COL27A1: variants seen among roughly 807,000 people sequenced by gnomAD.
COL27A1 encodes the protein collagen type XXVII alpha 1 chain.
A neutral mutation model predicts 251.3 loss-of-function variants in COL27A1; 106 were observed. The observed-to-expected ratio is 0.42, with a 90% CI of 0.36 to 0.50. The LOEUF (loss-of-function observed/expected upper bound fraction) is 0.50. COL27A1 is among the 20% of genes least tolerant of loss of function. COL27A1 has a pLI of 0.00. For missense variants in COL27A1, 2,325 were observed against 2,522.8 expected, an observed-to-expected ratio of 0.92 and a Z score of 1.68; for synonymous variants, 1,000 against 986.3, an observed-to-expected ratio of 1.01 and a Z score of -0.26.
chr9:114,227,284 A>G (rs1407348143), intron 14 of COL27A1, among the ~76,000 whole-genome samples: 1 of 150,400 alleles, frequency 6.6e-6, no homozygotes, highest in Non-Finnish European at 1.5e-5. Flanking sequence ...CATGTGAGAC[A>G]TAGCAATAGG....
chr9:114,257,811 G>A (rs983937564), intron 27 of COL27A1, among the ~76,000 whole-genome samples: 1 of 152,212 alleles, frequency 6.6e-6, no homozygotes, highest in Non-Finnish European at 1.5e-5. Flanking sequence ...GGGTGTCAGG[G>A]TGGAGGTGAG....
At position 114,269,695 on chromosome 9, in the gene COL27A1, G is replaced by T. The variant is rs375774130; in HGVS notation, c.3555+401G>T. 1.6e-4 allele frequency among the ~76,000 whole-genome samples: 24 copies of T among 150,700 alleles called. No homozygotes were observed. In the South Asian group the frequency reaches 3.2e-3, roughly 20 times the overall value. ...CGGCAGTAAAGAGAATGATGAGCAC[G>T]CATCCTATGCCCACTGTGTGTCGAG... On this transcript the variant is annotated intron_variant, in intron 35 of 60. Transcript: ENST00000356083.
chr9:114,263,590 T>C (rs1250041885), intron 28 of COL27A1, among the ~76,000 whole-genome samples: 1 of 152,130 alleles, frequency 6.6e-6, no homozygotes. Context: ...GAGCGGCTAA[T>C]GTGTTAGGGA....
intron 13 of COL27A1, among the ~76,000 whole-genome samples, chr9:114,221,208 G>A (rs1831086947): frequency 6.6e-6 from 1 of 152,084 alleles, no homozygotes; most frequent in Non-Finnish European, 1.5e-5. Context: ...GTGCCTCTTT[G>A]GAGAAGGGAA....
At chr9:114,287,239 G>T (rs1827558906) in intron 41 of COL27A1, among the ~76,000 whole-genome samples, 1 of 152,120 alleles carries the variant, frequency 6.6e-6, no homozygotes, top group South Asian at 2.1e-4. Context: ...CAGCCCCAGG[G>T]ACGCTTTGCC....
At chr9:114,171,982 C>T (rs1279218630) in intron 3 of COL27A1, among the ~76,000 whole-genome samples, 2 of 152,116 alleles carry the variant, frequency 1.3e-5, no homozygotes, top group African/African-American at 2.4e-5. Flanking sequence ...ACTTGTGGTC[C>T]CTGACTTCTG....
At chr9:114,195,574 T>C (rs2567709) in intron 6 of COL27A1, among the ~76,000 whole-genome samples, 111,205 of 152,146 alleles carry the variant, frequency 0.73, 41,286 homozygotes, top group Non-Finnish European at 0.78. Context: ...GCTTGGCCAG[T>C]GGCATGCCCA....
In COL27A1 at chr9:114,292,203, G is replaced by T; in HGVS notation, c.4577G>T (p.Gly1526Val). Reference protein sequence around the residue: ...PGNQGEPGSKGQPGDSGEMGF... With the variant: ...PGNQGEPGSKVQPGDSGEMGF... Reference sequence around the variant, plus strand: ...AACCAGGGGGAGCCTGGGTCCAAAGGCCAGCCGGTGAGTGAGCGCCAAAGA... The same window carrying T: ...AACCAGGGGGAGCCTGGGTCCAAAGTCCAGCCGGTGAGTGAGCGCCAAAGA... Residue 1526 changes from glycine (G) to valine (V), a missense_variant, in exon 49 of 61, where the codon GGC becomes GTC. Physicochemically the swap from Gly to Val is moderately radical, Grantham distance 109 (BLOSUM62 -3). Coordinates refer to ENST00000356083, the MANE Select transcript of COL27A1 (RefSeq NM_032888.4). 7 of 1,553,608 alleles carry T rather than the reference G, an allele frequency of 4.5e-6. No homozygotes were observed. The highest frequency in any genetic ancestry group is 5.2e-6 in the Non-Finnish European group (6 of 1,148,398).
At chr9:114,224,973 G>A (rs193109519) in intron 14 of COL27A1, among the ~76,000 whole-genome samples, 1 of 152,224 alleles carries the variant, frequency 6.6e-6, no homozygotes, top group East Asian at 1.9e-4. Flanking sequence ...GCTCTCCGCT[G>A]CACTCCACTG....
Position 114,158,689 on chromosome 9 carries a change from C to T in COL27A1, c.62+2677C>T, listed in dbSNP as rs146109833. On this transcript the variant is annotated intron_variant, in intron 1 of 60. Coordinates refer to ENST00000356083, the MANE Select transcript of COL27A1 (RefSeq NM_032888.4). ...AGCAGTAGCCTAAACAGGATTGGAA[C>T]GGGAGCAAAAGAATCGGCAGGGCCT... is the stretch of plus-strand genomic sequence containing the variant. Among the ~76,000 whole-genome samples the T allele has an allele frequency of 7.5e-3, 1,135 of 152,298 alleles. 13 individuals are homozygous for T. Among genetic ancestry groups the T allele is most frequent in the African/African-American group, 0.026 (1,066 of 41,570 alleles).
chr9:114,295,737 A>C (rs1828219372), intron 49 of COL27A1, among the ~76,000 whole-genome samples: 1 of 151,948 alleles, frequency 6.6e-6, no homozygotes, highest in South Asian at 2.1e-4. Context: ...AGCTCACCGC[A>C]ACCTCCGCCT....
At chr9:114,191,768 T>A (rs1828764973) in intron 5 of COL27A1, among the ~76,000 whole-genome samples, 1 of 152,256 alleles carries the variant, frequency 6.6e-6, no homozygotes, top group Non-Finnish European at 1.5e-5. Flanking sequence ...TAAATCCAAC[T>A]TTCTAATTGT....
intron 48 of COL27A1, 93 bp downstream of exon 48, chr9:114,291,010 A>G: frequency 1.2e-6 from 1 of 865,890 alleles, no homozygotes. Flanking sequence ...CCCATGTCCC[A>G]GGGCCTGTGT....
chr9:114,189,459 A>T lies in COL27A1; in HGVS notation c.2017-4945A>T, dbSNP rs533053699. ...TGTATCCTCCTTCTTTTCTTCATTT[A>T]AAACATTTCTGGCTATTTATTCTAT... On this transcript the variant is annotated intron_variant, in intron 5 of 60. Transcript: ENST00000356083. 2.6e-5 allele frequency among the ~76,000 whole-genome samples: 4 copies of T among 152,292 alleles called. No homozygotes were observed. In the South Asian group the frequency reaches 8.3e-4, roughly 32 times the overall value.
chr9:114,264,313 AC>A, intron 28 of COL27A1, 41 bp from the exon 29 acceptor site: 2 of 1,494,528 alleles, frequency 1.3e-6, no homozygotes, highest in South Asian at 2.6e-5. Flanking sequence ...CCCGAGGGAG[AC>A]CCCTGCTGTC....
At chr9:114,259,881 T>A (rs1204996242) in intron 28 of COL27A1, among the ~76,000 whole-genome samples, 1 of 152,058 alleles carries the variant, frequency 6.6e-6, no homozygotes, top group East Asian at 1.9e-4. Flanking sequence ...GGATTTCAAG[T>A]GGTTTTACAA....
chr9:114,236,955 C>T (rs1294647901), intron 17 of COL27A1, 26 bp from the exon 18 acceptor site: 4 of 1,612,912 alleles, frequency 2.5e-6, no homozygotes, highest in Non-Finnish European at 3.4e-6. Flanking sequence ...CCTCACTAAC[C>T]CCAGCCTGCT....
chr9:114,227,200 A>C (rs871877), intron 14 of COL27A1, among the ~76,000 whole-genome samples: 1 of 151,534 alleles, frequency 6.6e-6, no homozygotes, highest in Non-Finnish European at 1.5e-5. Context: ...TAGCCTCCGG[A>C]GGTCCACTGG....
intron 14 of COL27A1, among the ~76,000 whole-genome samples, chr9:114,226,478 C>G (rs1039363763): frequency 1.4e-4 from 22 of 152,194 alleles, no homozygotes; most frequent in Non-Finnish European, 3.1e-4. Context: ...CTGGACCTGG[C>G]CTGTCACAGC....
Sources: gnomAD v4.1 joint callset for allele counts (sites outside exome capture counted in the v4.1 genomes callset) on GRCh38, gnomAD v4.1.1 for gene constraint, MANE v1.5 for transcripts, NCBI Gene and HGNC (gene_info 2026-07-23, HGNC 2026-07-21) for gene names.